CTNNA3: variants seen among roughly 807,000 people sequenced by gnomAD.
The protein encoded by CTNNA3 is catenin alpha 3, also known as catenin alpha-3.
A neutral mutation model predicts 95.7 loss-of-function variants in CTNNA3; 76 were observed. The observed-to-expected ratio is 0.79, with a 90% CI of 0.66 to 0.96. CTNNA3 has a LOEUF of 0.96. CTNNA3 is among the 40% of genes least tolerant of loss of function. The probability of loss-of-function intolerance (pLI) is 0.00; values close to 1 mark genes in which losing one functional copy is unlikely to be tolerated. For missense variants in CTNNA3, 1,191 were observed against 1,089.8 expected, an observed-to-expected ratio of 1.09 and a Z score of -1.31; for synonymous variants, 431 against 374.4, an observed-to-expected ratio of 1.15 and a Z score of -1.74.
intron 12 of CTNNA3, among the ~76,000 whole-genome samples, chr10:66,309,928 AATAAAT>A (rs2091991670): frequency 6.9e-6 from 1 of 144,856 alleles, no homozygotes; most frequent in Non-Finnish European, 1.5e-5. Context: ...TAAATAAATA[AATAAAT>A]AAATAAATAA....
intron 1 of CTNNA3, among the ~76,000 whole-genome samples, chr10:67,727,646 TTATATTATATATGATATATAATATAATA>T (rs1263122953): frequency 2.3e-5 from 3 of 128,082 alleles, no homozygotes; most frequent in Non-Finnish European, 3.1e-5. Flanking sequence ...TTATATATTA[TTATATTATATATGATATATAATATAATA>T]TATAAATATA....
chr10:66,959,300 T>G (rs924148407), intron 7 of CTNNA3, among the ~76,000 whole-genome samples: 1 of 152,184 alleles, frequency 6.6e-6, no homozygotes, highest in Non-Finnish European at 1.5e-5. Context: ...AATGCCTGGA[T>G]TGATGATCAG....
At chr10:65,948,221 C>A (rs1158721209) in intron 17 of CTNNA3, among the ~76,000 whole-genome samples, 1 of 144,228 alleles carries the variant, frequency 6.9e-6, no homozygotes, top group Non-Finnish European at 1.5e-5. Context: ...GCGGAGCTTG[C>A]AGTGAGCCGA....
At chr10:67,481,847 G>A (rs1848244263) in intron 5 of CTNNA3, among the ~76,000 whole-genome samples, 1 of 152,078 alleles carries the variant, frequency 6.6e-6, no homozygotes, top group Non-Finnish European at 1.5e-5. Context: ...GAATGGTAAT[G>A]CCTAGGTTTT....
intron 7 of CTNNA3, among the ~76,000 whole-genome samples, chr10:66,900,412 G>C (rs1277610286): frequency 6.6e-6 from 1 of 152,118 alleles, no homozygotes; most frequent in African/African-American, 2.4e-5. Context: ...ACAAAGATGG[G>C]GAGAAACCAG....
chr10:67,050,842 T>A lies in CTNNA3; in HGVS notation c.1047+129475A>T, dbSNP rs763502812. ...TCATCTATTCTGATATTTCAGTTTC[T>A]TAAAATATTTATGCAAAGTTTTGTT... On this transcript the variant is annotated intron_variant, in intron 7 of 17. Coordinates refer to ENST00000433211, the MANE Select transcript of CTNNA3 (RefSeq NM_013266.4). Among the ~76,000 whole-genome samples, 12 of 152,352 alleles carry A rather than the reference T, an allele frequency of 7.9e-5. No homozygotes were observed. The East Asian group carries it at 2.3e-3, about 29-fold the overall frequency.
At chr10:66,721,777 T>A (rs1270434481) in intron 9 of CTNNA3, among the ~76,000 whole-genome samples, 1 of 152,178 alleles carries the variant, frequency 6.6e-6, no homozygotes, top group Non-Finnish European at 1.5e-5. Context: ...ACAAATGTAA[T>A]ACCTGCTCTT....
chr10:66,367,870 TAA>T (rs1564903091), intron 12 of CTNNA3, among the ~76,000 whole-genome samples: 601 of 33,324 alleles, frequency 0.018, 13 homozygotes, highest in African/African-American at 0.057. Context: ...ATAATAATAA[TAA>T]TAATAATAAT....
chr10:67,468,760 C>T (rs569343548), intron 5 of CTNNA3, among the ~76,000 whole-genome samples: 2 of 152,124 alleles, frequency 1.3e-5, no homozygotes, highest in South Asian at 4.2e-4. Context: ...TTCCTGGATC[C>T]CAGAATTACC....
intron 15 of CTNNA3, among the ~76,000 whole-genome samples, chr10:66,049,793 AG>A (rs56133907): frequency 0.25 from 38,566 of 151,816 alleles, 5,010 homozygotes; most frequent in South Asian, 0.32. Context: ...CATCTACTTG[AG>A]GGGGAAGGGT....
chr10:66,423,476 T>A (rs2093213204), intron 11 of CTNNA3, among the ~76,000 whole-genome samples: 1 of 152,060 alleles, frequency 6.6e-6, no homozygotes, highest in Non-Finnish European at 1.5e-5. Context: ...ACCACCTAAA[T>A]CCAAAGGGCA....
At chr10:67,536,963 T>C (rs1768891690) in intron 4 of CTNNA3, among the ~76,000 whole-genome samples, 1 of 152,174 alleles carries the variant, frequency 6.6e-6, no homozygotes, top group African/African-American at 2.4e-5. Context: ...ATGATTCATA[T>C]ATAAACTTTT....
Position 66,214,143 on chromosome 10 carries a change from A to C in CTNNA3, c.1884+66327T>G, listed in dbSNP as rs146292018. Among the ~76,000 whole-genome samples the C allele has an allele frequency of 5.9e-5, 9 of 152,314 alleles. No homozygotes were observed. The East Asian group carries it at 1.7e-3, about 29-fold the overall frequency. ...GGGATGCTAGCAGCCTGCCAAACACACAGAGGTAGCAACCATTCTACCTCT... is the reference window on the plus strand; with the variant it reads ...GGGATGCTAGCAGCCTGCCAAACACCCAGAGGTAGCAACCATTCTACCTCT... On this transcript the variant is annotated intron_variant, in intron 13 of 17. Coordinates refer to ENST00000433211, the MANE Select transcript of CTNNA3 (RefSeq NM_013266.4).
At chr10:67,467,864 C>T (rs113599209) in intron 5 of CTNNA3, among the ~76,000 whole-genome samples, 1 of 151,864 alleles carries the variant, frequency 6.6e-6, no homozygotes. Context: ...GTGTGCCCCA[C>T]CATGCCTGGC....
chr10:67,693,355 T>C (rs1298903715), intron 1 of CTNNA3, among the ~76,000 whole-genome samples: 2 of 152,082 alleles, frequency 1.3e-5, no homozygotes, highest in African/African-American at 4.8e-5. Context: ...AATCAGAAAA[T>C]CACACTTTTT....
chr10:66,980,683 A>C (rs890255697), intron 7 of CTNNA3, among the ~76,000 whole-genome samples: 1 of 152,188 alleles, frequency 6.6e-6, no homozygotes, highest in African/African-American at 2.4e-5. Context: ...TTCAGTTTTC[A>C]GTACAAAATT....
chr10:67,343,997 T>A (rs779525647), intron 5 of CTNNA3, among the ~76,000 whole-genome samples: 9 of 150,288 alleles, frequency 6.0e-5, no homozygotes, highest in Non-Finnish European at 1.2e-4. Flanking sequence ...TATGTTGAAG[T>A]ATGCTCATTC....
At chr10:66,020,978 T>C (rs183423433) in intron 15 of CTNNA3, among the ~76,000 whole-genome samples, 2 of 152,284 alleles carry the variant, frequency 1.3e-5, no homozygotes, top group East Asian at 3.9e-4. Flanking sequence ...CGGCCGATGA[T>C]CTGAATTTTA....
chr10:66,253,871 G>C (rs1297901818), intron 13 of CTNNA3, among the ~76,000 whole-genome samples: 2 of 152,036 alleles, frequency 1.3e-5, no homozygotes, highest in Admixed American at 6.6e-5. Context: ...CATATTCCAG[G>C]GACTATGCGG....
Sources: gnomAD v4.1 joint callset for allele counts (sites outside exome capture counted in the v4.1 genomes callset) on GRCh38, gnomAD v4.1.1 for gene constraint, MANE v1.5 for transcripts, NCBI Gene and HGNC (gene_info 2026-07-23, HGNC 2026-07-21) for gene names.